Variants in ST18 observed in about 807,000 individuals in gnomAD.
ST18 encodes the protein suppression of tumorigenicity 18 protein.
A neutral mutation model predicts 110.0 loss-of-function variants in ST18; 50 were observed. That is an observed-to-expected ratio of 0.45 (90% confidence interval 0.36 to 0.58). The LOEUF is 0.58. Among genes scored for constraint, ST18 ranks in the 20% least tolerant of loss-of-function variants. The probability of loss-of-function intolerance (pLI) is 0.00; values close to 1 mark genes in which losing one functional copy is unlikely to be tolerated. For missense variants in ST18, 1,306 were observed against 1,280.1 expected, an observed-to-expected ratio of 1.02 and a Z score of -0.31; for synonymous variants, 461 against 452.4, an observed-to-expected ratio of 1.02 and a Z score of -0.24.
intron 2 of ST18, among the ~76,000 whole-genome samples, chr8:52,401,653 G>A (rs1220042321): frequency 6.6e-6 from 1 of 151,732 alleles, no homozygotes; most frequent in Non-Finnish European, 1.5e-5. Flanking sequence ...TTTCTGTTTG[G>A]TTAGTTTTTA....
At chr8:52,357,408 G>A (rs911640968) in intron 2 of ST18, among the ~76,000 whole-genome samples, 11 of 151,566 alleles carry the variant, frequency 7.3e-5, no homozygotes, top group African/African-American at 2.7e-4. Flanking sequence ...GAACAAATAT[G>A]ACCCAACTAT....
chr8:52,374,764 A>C (rs1042143115), intron 2 of ST18, among the ~76,000 whole-genome samples: 8 of 152,084 alleles, frequency 5.3e-5, no homozygotes, highest in African/African-American at 1.9e-4. Flanking sequence ...GCTCCCACTT[A>C]TTAGTATAAG....
chr8:52,322,473 C>A (rs1403807325), intron 2 of ST18, among the ~76,000 whole-genome samples: 2 of 152,176 alleles, frequency 1.3e-5, no homozygotes, highest in African/African-American at 4.8e-5. Flanking sequence ...GACTTGTTTA[C>A]ATCAGAACAA....
intron 2 of ST18, chr8:52,406,751 A>T (rs1844656765): frequency 6.6e-6 from 1 of 152,216 alleles, no homozygotes; most frequent in African/African-American, 2.4e-5. Context: ...CATTACTCAT[A>T]CAGGGAAGGG....
chr8:52,247,290 T>TA (rs1407206365), intron 2 of ST18, among the ~76,000 whole-genome samples: 1 of 152,140 alleles, frequency 6.6e-6, no homozygotes, highest in African/African-American at 2.4e-5. Flanking sequence ...TTTCTTTAAA[T>TA]AAAAAAATAT....
At chr8:52,288,706 A>AT (rs1160491473) in intron 2 of ST18, among the ~76,000 whole-genome samples, 12 of 152,180 alleles carry the variant, frequency 7.9e-5, no homozygotes, top group East Asian at 3.9e-4. Context: ...AAAATAAAAA[A>AT]AAAAAAATAA....
rs191732185 is a variant in ST18 at position 52,207,986 on chromosome 8, G to A, written c.86+4093C>T. 5.5e-4 allele frequency among the ~76,000 whole-genome samples: 84 copies of A among 152,274 alleles called. No individual in the cohort carries two copies. The Middle Eastern group carries it at 0.02, about 37-fold the overall frequency. On this transcript the variant is annotated intron_variant, in intron 8 of 25. Transcript: ENST00000689386. ...TAGAAAGACACAGGTGAGTCTTCTC[G>A]ACACCACCTGTAACTTGAATTGTGT...
At chr8:52,281,655 C>T (rs1428582712) in intron 2 of ST18, among the ~76,000 whole-genome samples, 1 of 152,028 alleles carries the variant, frequency 6.6e-6, no homozygotes, top group Non-Finnish European at 1.5e-5. Flanking sequence ...GAAAAACAAA[C>T]AAAACAAAGC....
chr8:52,346,799 G>A (rs182948976), intron 2 of ST18, among the ~76,000 whole-genome samples: 193 of 152,228 alleles, frequency 1.3e-3, no homozygotes, highest in South Asian at 2.1e-3. Flanking sequence ...AGGTTTCGAG[G>A]GTGGGGAGAG....
intron 2 of ST18, among the ~76,000 whole-genome samples, chr8:52,268,023 G>C (rs1182451330): frequency 6.6e-6 from 1 of 152,176 alleles, no homozygotes; most frequent in Non-Finnish European, 1.5e-5. Context: ...GTGACTTATT[G>C]TTATTTGTTT....
intron 8 of ST18, among the ~76,000 whole-genome samples, chr8:52,190,605 C>T (rs1272412302): frequency 6.6e-6 from 1 of 152,156 alleles, no homozygotes; most frequent in East Asian, 1.9e-4. Context: ...TCTTTTCCAT[C>T]TCTATCGGAA....
At chr8:52,239,616 A>G (rs997486326) in intron 2 of ST18, among the ~76,000 whole-genome samples, 1 of 152,110 alleles carries the variant, frequency 6.6e-6, no homozygotes, top group Non-Finnish European at 1.5e-5. Flanking sequence ...TACCAAAAAA[A>G]CAAAAAGCCA....
At chr8:52,365,438 TA>T (rs901195231) in intron 2 of ST18, among the ~76,000 whole-genome samples, 1 of 152,086 alleles carries the variant, frequency 6.6e-6, no homozygotes, top group Non-Finnish European at 1.5e-5. Context: ...GGAGTTGAGT[TA>T]AGAGTTAGGA....
At chr8:52,309,290 G>A (rs1055208519) in intron 2 of ST18, among the ~76,000 whole-genome samples, 44 of 152,150 alleles carry the variant, frequency 2.9e-4, no homozygotes, top group African/African-American at 8.4e-4. Flanking sequence ...GGTGGCCGAG[G>A]TGGGTGGGTC....
chr8:52,232,024 G>A (rs938364256), intron 2 of ST18, among the ~76,000 whole-genome samples: 1 of 152,156 alleles, frequency 6.6e-6, no homozygotes, highest in Non-Finnish European at 1.5e-5. Flanking sequence ...ATAAGTTTGT[G>A]GACCATACTT....
intron 18 of ST18, 42 bp from the exon 19 acceptor site, chr8:52,136,700 T>C (rs1244390152): frequency 6.6e-6 from 10 of 1,524,098 alleles, no homozygotes; most frequent in African/African-American, 4.1e-5. Flanking sequence ...AACACTGACA[T>C]ATACAAATCT....
At chr8:52,343,494 C>A (rs143140035) in intron 2 of ST18, among the ~76,000 whole-genome samples, 158 of 152,244 alleles carry the variant, frequency 1.0e-3, no homozygotes, top group Non-Finnish European at 1.8e-3. Flanking sequence ...CGGTGGGGAC[C>A]GTGCTGGCTT....
intron 8 of ST18, among the ~76,000 whole-genome samples, chr8:52,192,005 A>G (rs1002808832): frequency 9.2e-5 from 14 of 152,156 alleles, no homozygotes; most frequent in Non-Finnish European, 1.9e-4. Context: ...CCACCCACAG[A>G]CAGAACAACC....
intron 10 of ST18, among the ~76,000 whole-genome samples, chr8:52,168,183 A>G (rs1267482778): frequency 1.3e-5 from 2 of 150,106 alleles, no homozygotes; most frequent in African/African-American, 4.9e-5. Flanking sequence ...GAGCCCTCAG[A>G]GAGGGGCAAT....
Sources: allele counts gnomAD v4.1 joint callset (sites outside exome capture counted in the v4.1 genomes callset), GRCh38; gene constraint gnomAD v4.1.1; transcripts MANE v1.5; gene names NCBI Gene and HGNC (gene_info 2026-07-23, HGNC 2026-07-21).